BCR: variants seen among roughly 807,000 people sequenced by gnomAD.
The protein encoded by BCR is BCR activator of RhoGEF and GTPase, also known as breakpoint cluster region protein.
In BCR, 58 loss-of-function variants were observed where a neutral mutation model predicts 138.6. That is an observed-to-expected ratio of 0.42 (90% CI 0.34 to 0.52). The LOEUF is 0.52. BCR is among the 20% of genes least tolerant of loss of function. BCR has a pLI of 0.06. For missense variants in BCR, 1,599 were observed against 1,727.2 expected (o/e 0.93, Z 1.32); for synonymous variants, 786 against 730.1 (o/e 1.08, Z -1.23).
At chr22:23,257,718 G>A (rs1407731262) in intron 2 of BCR, among the ~76,000 whole-genome samples, 2 of 152,200 alleles carry the variant, frequency 1.3e-5, no homozygotes, top group Admixed American at 6.5e-5. Flanking sequence ...CCCACCCTAC[G>A]TGTATGTGCA....
intron 16 of BCR, among the ~76,000 whole-genome samples, chr22:23,308,451 G>A (rs751922983): frequency 2.6e-5 from 4 of 152,054 alleles, no homozygotes; most frequent in South Asian, 4.2e-4. Context: ...GACTACAGAC[G>A]CCCACCACCA....
chr22:23,235,041 G>A (rs559829920), intron 1 of BCR, among the ~76,000 whole-genome samples: 1 of 144,216 alleles, frequency 6.9e-6, no homozygotes, highest in Non-Finnish European at 1.6e-5. Context: ...GGGTCAGCTC[G>A]AGACTATGAC....
intron 16 of BCR, chr22:23,306,249 G>C (rs1046036386): frequency 1.3e-5 from 2 of 152,268 alleles, no homozygotes; most frequent in African/African-American, 2.4e-5. Context: ...ATCAGTACCA[G>C]GTTGGAGTGG....
At chr22:23,284,958 G>T in intron 9 of BCR, 75 bp from the exon 10 acceptor site, 1 of 1,502,046 alleles carries the variant, frequency 6.7e-7, no homozygotes, top group South Asian at 1.3e-5. Flanking sequence ...ACTGGCTCTT[G>T]GGCTCTTGAC....
In BCR at chr22:23,289,732, G is replaced by A. The variant is rs902160241; in HGVS notation, c.2707+111G>A. ...CTTTTGATGGGACTAGTGGACTTTG[G>A]TTCAGAAGGAAGAGCTATGCTTGTT... On this transcript the variant is annotated intron_variant, in intron 13 of 22. Coordinates refer to ENST00000305877, the MANE Select transcript of BCR (RefSeq NM_004327.4). 10 of 930,052 alleles carry A rather than the reference G, an allele frequency of 1.1e-5. No homozygotes were observed. The African/African-American group carries it at 1.2e-4, about 11-fold the overall frequency. 57.6% of individuals were successfully genotyped at this position (930,052 alleles called of 1,614,324 possible). A position where few individuals can be genotyped will look rare whatever the true frequency, so the allele number is the denominator to read the frequency against.
At chr22:23,294,895 G>A (rs2073828003) in intron 15 of BCR, 129 bp from the exon 16 acceptor site, 1 of 1,186,550 alleles carries the variant, frequency 8.4e-7, no homozygotes, top group Non-Finnish European at 1.2e-6. Flanking sequence ...ACTAAGGGAG[G>A]AGGGTCTCAG....
intron 1 of BCR, among the ~76,000 whole-genome samples, chr22:23,206,213 G>A (rs1260970006): frequency 6.6e-6 from 1 of 152,128 alleles, no homozygotes; most frequent in South Asian, 2.1e-4. Context: ...GCCAAATGAT[G>A]GGGTAATGGG....
chr22:23,300,086 C>A (rs757936321), intron 16 of BCR, among the ~76,000 whole-genome samples: 3 of 152,222 alleles, frequency 2.0e-5, no homozygotes, highest in Non-Finnish European at 4.4e-5. Context: ...CAGGCACATT[C>A]ACATTGTTGT....
chr22:23,220,481 A>G (rs777852721), intron 1 of BCR, among the ~76,000 whole-genome samples: 2 of 152,158 alleles, frequency 1.3e-5, no homozygotes, highest in Non-Finnish European at 2.9e-5. Context: ...TCAGGTATGA[A>G]GTGCTGAAAA....
chr22:23,309,464 C>G lies in BCR; in HGVS notation c.3053C>G (p.Thr1018Ser). 1 of 1,603,526 alleles carries G rather than the reference C, an allele frequency of 6.2e-7. No homozygotes were observed. The highest frequency in any genetic ancestry group is 8.5e-7 in the Non-Finnish European group (1 of 1,174,782). The change falls in exon 17 of 23, where the codon ACC (threonine) becomes AGC (serine). Residue 1018 changes from threonine to serine, a missense_variant. Thr to Ser is a moderately conservative substitution (Grantham distance 58). This residue lies in a region of BCR where 590 missense variants were observed against 762.4 expected (regional missense o/e 0.77). Transcript: ENST00000305877. Reference protein sequence around the residue: ...QALQDRDWQRTVIAMNGIEVK... With the variant: ...QALQDRDWQRSVIAMNGIEVK... ...CTGCAGGACAGAGACTGGCAGCGCA[C>G]CGTCATCGCCATGAATGGGGTACGT...
Position 23,180,526 on chromosome 22 carries a change from C to A in BCR, c.-435C>A, listed in dbSNP as rs2072222694. 5.5e-6 allele frequency: 1 copy of A among 181,948 alleles called. No individual in the cohort carries two copies. Among genetic ancestry groups the A allele is most frequent in the East Asian group, 1.3e-4 (1 of 7,578 alleles). The allele number at this position is 181,948 out of a possible 1,614,324, so 11.3% of individuals were successfully genotyped here. ...CCTGCGGCGCAGAGTGCGGGCCGGG[C>A]GGGAGTGCGGCGAGAGCCGGCTGGC... On this transcript the variant is annotated 5_prime_UTR_variant, in exon 1 of 23. Transcript: ENST00000305877.
At chr22:23,187,582 C>T (rs998414520) in intron 1 of BCR, among the ~76,000 whole-genome samples, 1 of 151,960 alleles carries the variant, frequency 6.6e-6, no homozygotes, top group East Asian at 1.9e-4. Context: ...AATCTACCCA[C>T]CTCAGCCTCC....
chr22:23,257,100 C>G (rs2073303011), intron 2 of BCR, among the ~76,000 whole-genome samples: 1 of 152,168 alleles, frequency 6.6e-6, no homozygotes, highest in African/African-American at 2.4e-5. Context: ...AGCCCCAGGC[C>G]AGGCCCTGCC....
At position 23,263,751 on chromosome 22, in the gene BCR, G is replaced by A. The variant is rs1004410308; in HGVS notation, c.1752+2211G>A. On this transcript the variant is annotated intron_variant, in intron 4 of 22. Coordinates refer to ENST00000305877, the MANE Select transcript of BCR (RefSeq NM_004327.4). Reference sequence around the variant, plus strand: ...AGGTGAACTGTGTGGATTGCAAAGGGGGCATCATATCATTGTGAGTGGCTC... The same window carrying A: ...AGGTGAACTGTGTGGATTGCAAAGGAGGCATCATATCATTGTGAGTGGCTC... 13 of 1,431,938 alleles carry A rather than the reference G, an allele frequency of 9.1e-6. No individual in the cohort carries two copies. The Admixed American group carries it at 1.7e-4, about 18-fold the overall frequency. 88.7% of individuals were successfully genotyped at this position (1,431,938 alleles called of 1,614,324 possible). A position where few individuals can be genotyped will look rare whatever the true frequency, so the allele number is the denominator to read the frequency against.
chr22:23,213,744 C>T (rs1402469858), intron 1 of BCR, among the ~76,000 whole-genome samples: 4 of 151,630 alleles, frequency 2.6e-5, no homozygotes, highest in East Asian at 1.9e-4. Flanking sequence ...GCAGGAGAAT[C>T]GCCTGAATGA....
intron 2 of BCR, among the ~76,000 whole-genome samples, chr22:23,255,080 T>C (rs1046524743): frequency 1.3e-4 from 20 of 152,176 alleles, no homozygotes; most frequent in African/African-American, 4.6e-4. Flanking sequence ...AGATGGACTT[T>C]TCCCCATTTC....
At chr22:23,299,633 G>A (rs1402283030) in intron 16 of BCR, among the ~76,000 whole-genome samples, 13 of 151,702 alleles carry the variant, frequency 8.6e-5, no homozygotes, top group African/African-American at 3.1e-4. Context: ...TCCAGACAGA[G>A]ACATAAAACA....
chr22:23,272,661 C>T (rs889956139), intron 6 of BCR, among the ~76,000 whole-genome samples: 2 of 152,246 alleles, frequency 1.3e-5, no homozygotes, highest in East Asian at 3.9e-4. Context: ...AGTCAGGTGT[C>T]TGAAATGTCC....
chr22:23,269,996 A>G (rs1259026777), intron 5 of BCR, among the ~76,000 whole-genome samples: 1 of 152,118 alleles, frequency 6.6e-6, no homozygotes, highest in Non-Finnish European at 1.5e-5. Context: ...ACCAGCTGCA[A>G]ACCGACCCAC....
Sources: gnomAD v4.1 joint callset for allele counts (sites outside exome capture counted in the v4.1 genomes callset) on GRCh38, gnomAD v4.1.1 for gene constraint, gnomAD v4.1.1 regional missense constraint, MANE v1.5 for transcripts, NCBI Gene and HGNC (gene_info 2026-07-23, HGNC 2026-07-21) for gene names.